Variants in IQGAP2 observed in about 807,000 individuals in gnomAD.
IQGAP2 encodes the protein IQ motif containing GTPase activating protein 2.
Under a neutral mutation model 201.3 loss-of-function variants are expected in IQGAP2, and 173 were observed. That is an observed-to-expected ratio of 0.86 (90% CI 0.76 to 0.98). The LOEUF (loss-of-function observed/expected upper bound fraction) is 0.98, where lower values mean the gene tolerates loss of function less well. Ranked by LOEUF, IQGAP2 falls within the 50% of genes least tolerant of loss-of-function variation. IQGAP2 has a pLI of 0.00. For synonymous variants in IQGAP2, 675 were observed against 673.9 expected (o/e 1.00, Z -0.03); for missense variants, 1,687 against 1,864.8 (o/e 0.90, Z 1.76).
chr5:76,482,221 G>A (rs942846206), intron 2 of IQGAP2, among the ~76,000 whole-genome samples: 1 of 152,200 alleles, frequency 6.6e-6, no homozygotes, highest in Non-Finnish European at 1.5e-5. Context: ...TGCAGGAAGA[G>A]CTTGTAGAGA....
intron 9 of IQGAP2, among the ~76,000 whole-genome samples, chr5:76,593,908 T>G (rs996874630): frequency 6.6e-6 from 1 of 152,168 alleles, no homozygotes; most frequent in Non-Finnish European, 1.5e-5. Context: ...TGCTCCTAAA[T>G]TGCTGGAGAG....
intron 2 of IQGAP2, among the ~76,000 whole-genome samples, chr5:76,466,249 G>T (rs1754769888): frequency 6.6e-6 from 1 of 152,148 alleles, no homozygotes; most frequent in African/African-American, 2.4e-5. Context: ...GCTGAGGCGT[G>T]AAGATCACTC....
chr5:76,609,162 A>C, intron 12 of IQGAP2: 5 of 1,535,978 alleles, frequency 3.3e-6, no homozygotes, highest in Non-Finnish European at 4.4e-6. Flanking sequence ...AAGTCAGCTG[A>C]AATGCACTCA....
intron 1 of IQGAP2, among the ~76,000 whole-genome samples, chr5:76,405,468 A>G (rs1750744770): frequency 6.6e-6 from 1 of 152,244 alleles, no homozygotes; most frequent in Admixed American, 6.5e-5. Context: ...TAACACTGTC[A>G]AAATGGAAAA....
At chr5:76,486,787 T>C (rs569628246) in intron 2 of IQGAP2, among the ~76,000 whole-genome samples, 65 of 152,322 alleles carry the variant, frequency 4.3e-4, no homozygotes, top group African/African-American at 1.5e-3. Flanking sequence ...TGTTTTGTTT[T>C]GTTTTGTTTG....
intron 34 of IQGAP2, 96 bp downstream of exon 34, chr5:76,701,309 A>G: frequency 9.0e-7 from 1 of 1,117,230 alleles, no homozygotes; most frequent in Non-Finnish European, 1.3e-6. Context: ...GCTTAACCTC[A>G]ATTACTGATG....
chr5:76,495,746 A>T (rs1391455949), intron 2 of IQGAP2, among the ~76,000 whole-genome samples: 1 of 152,192 alleles, frequency 6.6e-6, no homozygotes, highest in Admixed American at 6.5e-5. Context: ...TGTGTACCAC[A>T]TGGCAGGAGA....
chr5:76,491,983 CT>C (rs550694157), intron 2 of IQGAP2, among the ~76,000 whole-genome samples: 26 of 151,516 alleles, frequency 1.7e-4, no homozygotes, highest in Non-Finnish European at 3.2e-4. Context: ...CCCAGTCCAC[CT>C]TTTTTTTTGG....
In IQGAP2 at chr5:76,658,455, G is replaced by A; in HGVS notation, c.2321-4G>A. 6.2e-7 allele frequency: 1 copy of A among 1,609,632 alleles called. No homozygotes were observed. The stretch of plus-strand genomic sequence containing the variant: ...TTAAAGTATACCTGTTCCTGTCACT[G>A]CAGTTGGCTCTGAAAACCCACCATT... On this transcript the variant is annotated splice_polypyrimidine_tract_variant and splice_region_variant and intron_variant, in intron 20 of 35. Transcript: ENST00000274364.
At chr5:76,425,794 T>C (rs996422488) in intron 1 of IQGAP2, among the ~76,000 whole-genome samples, 2 of 152,170 alleles carry the variant, frequency 1.3e-5, no homozygotes, top group Non-Finnish European at 2.9e-5. Flanking sequence ...GGCCTTGCTT[T>C]TCGGTTACCT....
At chr5:76,627,372 C>A in intron 13 of IQGAP2, 38 bp from the exon 14 acceptor site, 2 of 1,267,956 alleles carry the variant, frequency 1.6e-6, no homozygotes, top group Non-Finnish European at 2.3e-6. Flanking sequence ...CCTCATCATT[C>A]ACTCTTCTTT....
chr5:76,460,979 C>A (rs1342714178), intron 1 of IQGAP2, among the ~76,000 whole-genome samples: 1 of 150,962 alleles, frequency 6.6e-6, no homozygotes, highest in Non-Finnish European at 1.5e-5. Flanking sequence ...AAGTGATTCT[C>A]CTGATTCTCT....
At position 76,550,346 on chromosome 5, in the gene IQGAP2, A is replaced by ATTT. The variant is rs34933231; in HGVS notation, c.147-12034_147-12032dup. Among the ~76,000 whole-genome samples, 1,033 of 135,234 alleles carry ATTT rather than the reference A, an allele frequency of 7.6e-3. 24 individuals are homozygous for ATTT. Among genetic ancestry groups the ATTT allele is most frequent in the African/African-American group, 0.027 (990 of 36,214 alleles). The allele number at this position is 135,234 out of a possible 152,430, so 88.7% of individuals were successfully genotyped here. A position where few individuals can be genotyped will look rare whatever the true frequency, so the allele number is the denominator to read the frequency against. On this transcript the variant is annotated intron_variant, in intron 2 of 35. Transcript: ENST00000274364. The stretch of plus-strand genomic sequence containing the variant: ...CCTCCAGGCCCATTGGGCTGGCAGA[A>ATTT]TTTTTTTTTTTTTTTTTTCAGTATT...
intron 4 of IQGAP2, among the ~76,000 whole-genome samples, chr5:76,573,170 A>G (rs1195021971): frequency 1.3e-5 from 2 of 152,266 alleles, no homozygotes; most frequent in Non-Finnish European, 2.9e-5. Flanking sequence ...ATAAGGCAAC[A>G]TCAAATTCAG....
chr5:76,684,270 G>T (rs1158233793), intron 30 of IQGAP2, among the ~76,000 whole-genome samples: 1 of 152,104 alleles, frequency 6.6e-6, no homozygotes, highest in South Asian at 2.1e-4. Flanking sequence ...GTTAACCAAC[G>T]TTTATTTCCG....
At chr5:76,418,253 AG>A (rs1751527347) in intron 1 of IQGAP2, among the ~76,000 whole-genome samples, 1 of 151,848 alleles carries the variant, frequency 6.6e-6, no homozygotes, top group South Asian at 2.1e-4. Flanking sequence ...TCAACTTGAA[AG>A]GCAACATTTT....
At chr5:76,508,776 G>A (rs1032718805) in intron 2 of IQGAP2, among the ~76,000 whole-genome samples, 4 of 151,822 alleles carry the variant, frequency 2.6e-5, no homozygotes, top group Admixed American at 6.6e-5. Flanking sequence ...AAGAACAGGA[G>A]TAGCCAATTC....
chr5:76,501,980 GTGAT>G (rs1484403464), intron 2 of IQGAP2, among the ~76,000 whole-genome samples: 2 of 152,282 alleles, frequency 1.3e-5, no homozygotes, highest in Non-Finnish European at 2.9e-5. Flanking sequence ...TTGTGCATCT[GTGAT>G]TGATTGTGCT....
At chr5:76,689,305 A>G (rs551230170) in intron 30 of IQGAP2, among the ~76,000 whole-genome samples, 69 of 150,054 alleles carry the variant, frequency 4.6e-4, no homozygotes, top group Non-Finnish European at 8.0e-4. Flanking sequence ...TAGGGATGAC[A>G]TAGGGTTATA....
Sources: allele counts gnomAD v4.1 joint callset (sites outside exome capture counted in the v4.1 genomes callset), GRCh38; gene constraint gnomAD v4.1.1; transcripts MANE v1.5; gene names NCBI Gene and HGNC (gene_info 2026-07-23, HGNC 2026-07-21).